The following STAC2 variants were observed in gnomAD, a reference collection of about 807,000 sequenced individuals.
STAC2 encodes the protein SH3 and cysteine-rich domain-containing protein 2.
STAC2 carries 36 observed loss-of-function variants against 49.0 expected under a neutral mutation model. The ratio of observed to expected loss-of-function variants is 0.74; its 90% CI spans 0.56 to 0.97. The LOEUF (loss-of-function observed/expected upper bound fraction) is 0.97, where lower values mean the gene tolerates loss of function less well. Ranked by LOEUF, STAC2 falls within the 50% of genes least tolerant of loss-of-function variation. The probability of loss-of-function intolerance (pLI) is 0.00; values close to 1 mark genes in which losing one functional copy is unlikely to be tolerated. For synonymous variants in STAC2, 239 were observed against 214.7 expected (o/e 1.11, Z -0.99); for missense variants, 527 against 543.8 (o/e 0.97, Z 0.31).
intron 8 of STAC2, among the ~76,000 whole-genome samples, chr17:39,213,926 C>T (rs1052867514): frequency 6.6e-6 from 1 of 152,140 alleles, no homozygotes; most frequent in African/African-American, 2.4e-5. Flanking sequence ...ATCTGCCAGC[C>T]TCAGCCTCCC....
chr17:39,221,881 C>T (rs573153369), intron 1 of STAC2, among the ~76,000 whole-genome samples: 1 of 152,200 alleles, frequency 6.6e-6, no homozygotes, highest in Non-Finnish European at 1.5e-5. Flanking sequence ...AGACTGGCCA[C>T]CTAGAGCAGT....
At chr17:39,223,761 G>T (rs1294671969) in intron 1 of STAC2, among the ~76,000 whole-genome samples, 2 of 152,222 alleles carry the variant, frequency 1.3e-5, no homozygotes, top group African/African-American at 4.8e-5. Context: ...CAAGCAGGGG[G>T]ACTGTGTATG....
At chr17:39,217,536 C>T (rs1217420096) in intron 2 of STAC2, among the ~76,000 whole-genome samples, 2 of 152,116 alleles carry the variant, frequency 1.3e-5, no homozygotes, top group Non-Finnish European at 2.9e-5. Flanking sequence ...GCCTGAGCAA[C>T]ATGGCAAAAC....
chr17:39,212,937 C>T, intron 10 of STAC2, 58 bp downstream of exon 10: 1 of 1,596,278 alleles, frequency 6.3e-7, no homozygotes, highest in Non-Finnish European at 8.5e-7. Flanking sequence ...CGCAGCCTGT[C>T]TCCCCCGCCC....
intron 1 of STAC2, among the ~76,000 whole-genome samples, chr17:39,223,417 G>T (rs2046480723): frequency 6.6e-6 from 1 of 152,218 alleles, no homozygotes; most frequent in Non-Finnish European, 1.5e-5. Context: ...GTATAGGGGA[G>T]GGGCGGAGGG....
At position 39,214,836 on chromosome 17, in the gene STAC2, T is replaced by G. The variant is rs144394221; in HGVS notation, c.798A>C (p.Ala266=). 5.3e-4 allele frequency: 851 copies of G among 1,614,068 alleles called. No homozygotes were observed. The African/African-American group carries it at 0.01, about 19-fold the overall frequency. ...CCTCTGGTCCTGGCCCTTCACTCTC[T>G]GCTGGGGCTGTGAATACTGGAGATG... ...DSASPVFTAP[A]ESEGPGPEEK... The change falls in exon 7 of 11, where the codon GCA becomes GCC. Residue 266 remains alanine (A), a synonymous_variant. Coordinates refer to ENST00000333461, the MANE Select transcript of STAC2 (RefSeq NM_198993.5).
chr17:39,224,284 T>G (rs539232200), intron 1 of STAC2, among the ~76,000 whole-genome samples: 2 of 152,228 alleles, frequency 1.3e-5, no homozygotes, highest in East Asian at 3.9e-4. Context: ...CTTTCGCCTC[T>G]GGAGAACAGG....
chr17:39,218,115 TC>T lies in STAC2; in HGVS notation c.148del (p.Glu50ArgfsTer19). 6.2e-7 allele frequency: 1 copy of T among 1,613,420 alleles called. No homozygotes were observed. Among genetic ancestry groups the T allele is most frequent in the East Asian group, 2.2e-5 (1 of 44,878 alleles). ...LKTILRSKSL[E>X]NFFLRSGSEL... ...AGAGCCCGAGCGAAGGAAGAAGTTC[TC>T]CAAGCTCTTACTTCGGAGGATGGTC... On this transcript the variant is annotated frameshift_variant, in exon 2 of 11. Transcript: ENST00000333461. LOFTEE classifies it high-confidence loss of function.
chr17:39,214,944 C>T lies in STAC2; in HGVS notation c.772+7G>A, dbSNP rs766617281. The T allele has an allele frequency of 1.9e-6, 3 of 1,614,072 alleles. No individual in the cohort carries two copies. In the East Asian group the frequency reaches 6.7e-5, roughly 36 times the overall value. On this transcript the variant is annotated splice_region_variant and intron_variant, in intron 6 of 10. Coordinates refer to ENST00000333461, the MANE Select transcript of STAC2 (RefSeq NM_198993.5). ...CATTCCTGCCCTTGATGCCCACCAC[C>T]ACTCACCACTGTCACCAGGCCCCTC...
At chr17:39,224,749 A>G (rs1567836598) in intron 1 of STAC2, among the ~76,000 whole-genome samples, 1 of 152,118 alleles carries the variant, frequency 6.6e-6, no homozygotes, top group African/African-American at 2.4e-5. Context: ...GTCTGGAGCC[A>G]CAACCGCAGG....
At chr17:39,221,906 C>G (rs2046466855) in intron 1 of STAC2, among the ~76,000 whole-genome samples, 1 of 152,164 alleles carries the variant, frequency 6.6e-6, no homozygotes, top group Admixed American at 6.6e-5. Flanking sequence ...AACTCATCAC[C>G]CTGCGATGGC....
chr17:39,224,498 G>T (rs1430088014), intron 1 of STAC2, among the ~76,000 whole-genome samples: 1 of 152,214 alleles, frequency 6.6e-6, no homozygotes, highest in Non-Finnish European at 1.5e-5. Context: ...ATTAGAGGTC[G>T]GGGGAGTGCT....
chr17:39,222,388 G>A (rs1175849243), intron 1 of STAC2, among the ~76,000 whole-genome samples: 1 of 152,218 alleles, frequency 6.6e-6, no homozygotes, highest in Non-Finnish European at 1.5e-5. Context: ...TCCCAGGGGG[G>A]TGGAGAAGCG....
At position 39,212,266 on chromosome 17, in the gene STAC2, T is replaced by C; in HGVS notation, c.*26A>G. 2 of 1,560,832 alleles carry C rather than the reference T, an allele frequency of 1.3e-6. No individual in the cohort carries two copies. The highest frequency in any genetic ancestry group is 1.8e-6 in the Non-Finnish European group (2 of 1,140,024). On this transcript the variant is annotated 3_prime_UTR_variant, in exon 11 of 11. Coordinates refer to ENST00000333461, the MANE Select transcript of STAC2 (RefSeq NM_198993.5). The stretch of plus-strand genomic sequence containing the variant: ...AGCAAGGTCCAGGCATGGGCAAGGG[T>C]GTCATCTGGGTTCCCTTGGCTCCTC...
intron 6 of STAC2, 34 bp downstream of exon 6, chr17:39,214,917 C>T (rs752192523): frequency 4.3e-6 from 7 of 1,613,802 alleles, no homozygotes; most frequent in Non-Finnish European, 5.9e-6. Flanking sequence ...TCCATTGTAC[C>T]CCATTCCTGC....
rs1193347296 is a variant in STAC2 at position 39,217,999 on chromosome 17, C to T, written c.265G>A (p.Ala89Thr). 1.9e-6 allele frequency: 3 copies of T among 1,584,516 alleles called. No individual in the cohort carries two copies. The highest frequency in any genetic ancestry group is 2.6e-6 in the Non-Finnish European group (3 of 1,166,168). ...PPPTASDRGLATPSPSPCPVP... is the reference protein window; with the variant it reads ...PPPTASDRGLTTPSPSPCPVP... ...GGGCATGGGGAGGGGGATGGGGTAG[C>T]CAGGCCCCTGTCCGAGGCTGTGGGT... The change falls in exon 2 of 11, where the codon GCT (alanine) becomes ACT (threonine). Residue 89 changes from alanine (A) to threonine (T), a missense_variant. Coordinates refer to ENST00000333461, the MANE Select transcript of STAC2 (RefSeq NM_198993.5).
At chr17:39,223,172 C>T (rs1169989035) in intron 1 of STAC2, among the ~76,000 whole-genome samples, 5 of 152,168 alleles carry the variant, frequency 3.3e-5, no homozygotes, top group Non-Finnish European at 7.3e-5. Context: ...AGGGCATTGG[C>T]CCCCTCTGTT....
Position 39,225,777 on chromosome 17 carries a change from A to G in STAC2, c.-275T>C. The G allele has an allele frequency of 2.1e-6, 1 of 473,040 alleles. No homozygotes were observed. Among genetic ancestry groups the G allele is most frequent in the Non-Finnish European group, 3.8e-6 (1 of 263,830 alleles). The allele number at this position is 473,040 out of a possible 1,614,324, so 29.3% of individuals were successfully genotyped here. On this transcript the variant is annotated 5_prime_UTR_variant, in exon 1 of 11. Transcript: ENST00000333461. The surrounding 1 kb of genome is among the most constrained non-coding windows in gnomAD (Gnocchi z 8.2). ...AGAGGATGCTGCTCGCAGCGCGGGG[A>G]GGAGGGAAGTGGGGCCGCGGGGATG...
Position 39,223,423 on chromosome 17 carries a change from G to C in STAC2, c.90+1990C>G, listed in dbSNP as rs568960380. Among the ~76,000 whole-genome samples, 4 of 152,228 alleles carry C rather than the reference G, an allele frequency of 2.6e-5. No homozygotes were observed. The South Asian group carries it at 8.3e-4, about 31-fold the overall frequency. On this transcript the variant is annotated intron_variant, in intron 1 of 10. Transcript: ENST00000333461. ...AAGAGTGATGTATAGGGGAGGGGCG[G>C]AGGGCCGGGGCTCCAGCTGGCCTGA...
Sources: allele counts gnomAD v4.1 joint callset (sites outside exome capture counted in the v4.1 genomes callset), GRCh38; gene constraint gnomAD v4.1.1; non-coding constraint Gnocchi (gnomAD v3.1); transcripts MANE v1.5; gene names NCBI Gene and HGNC (gene_info 2026-07-23, HGNC 2026-07-21).